AGMO: variants seen among roughly 807,000 people sequenced by gnomAD.
The protein encoded by AGMO is glyceryl-ether monooxygenase.
AGMO carries 75 observed loss-of-function variants against 60.2 expected under a neutral mutation model. The observed-to-expected ratio is 1.25, with a 90% confidence interval of 1.03 to 1.51. The LOEUF is 1.51. Ranked by LOEUF, AGMO falls within the 40% of genes most tolerant of loss-of-function variation. AGMO has a pLI of 0.00. For missense variants in AGMO, 763 were observed against 525.5 expected (o/e 1.45, Z -4.42); for synonymous variants, 261 against 177.1 (o/e 1.47, Z -3.76).
At chr7:15,208,242 G>C (rs1047381033) in intron 12 of AGMO, among the ~76,000 whole-genome samples, 3 of 152,136 alleles carry the variant, frequency 2.0e-5, no homozygotes, top group African/African-American at 7.2e-5. Flanking sequence ...AGGATACATA[G>C]AGAGAGGGTT....
At chr7:15,333,582 T>C (rs1035390298) in intron 12 of AGMO, among the ~76,000 whole-genome samples, 6 of 137,058 alleles carry the variant, frequency 4.4e-5, no homozygotes, top group Non-Finnish European at 7.7e-5. Flanking sequence ...ATACTCTCTA[T>C]AGAGACGAAC....
chr7:15,261,815 G>T (rs189971621), intron 12 of AGMO, among the ~76,000 whole-genome samples: 51 of 152,074 alleles, frequency 3.4e-4, no homozygotes, highest in African/African-American at 1.2e-3. Flanking sequence ...GATCAAGTGG[G>T]TTTCATACCA....
intron 3 of AGMO, among the ~76,000 whole-genome samples, chr7:15,440,504 G>A (rs1268702137): frequency 6.6e-6 from 1 of 152,168 alleles, no homozygotes; most frequent in African/African-American, 2.4e-5. Context: ...GCAACTCTGT[G>A]TGTATTTATG....
In AGMO at chr7:15,289,943, CTTTTTTTTT is replaced by C. The variant is rs36074413; in HGVS notation, c.1263+75562_1263+75570del. ...CAAGAGTATCATTTATTCCAGAAAT[CTTTTTTTTT>C]TTTTTTTTTTTTTTTTTTAGATGGA... On this transcript the variant is annotated intron_variant, in intron 12 of 12. Transcript: ENST00000342526. 1.6e-4 allele frequency among the ~76,000 whole-genome samples: 5 copies of C among 31,352 alleles called. No individual in the cohort carries two copies. In the East Asian group the frequency reaches 4.2e-3, roughly 26 times the overall value. 20.6% of individuals were successfully genotyped at this position (31,352 alleles called of 152,430 possible).
chr7:15,393,159 G>T (rs1207172228), intron 6 of AGMO, among the ~76,000 whole-genome samples: 1 of 152,228 alleles, frequency 6.6e-6, no homozygotes, highest in Non-Finnish European at 1.5e-5. Context: ...GAGTTTGGAA[G>T]AGGAAACCGC....
rs1562478599 is a variant in AGMO, at chr7:15,387,398, C to CT, written c.957+7dup. 1 of 1,612,936 alleles carries CT rather than the reference C, an allele frequency of 6.2e-7. No homozygotes were observed. Among genetic ancestry groups the CT allele is most frequent in the South Asian group, 1.1e-5 (1 of 90,994 alleles). ...TTCACCATCTCCAATTCTGTGAACT[C>CT]TATTTACCTCTGGAATTTCTTCACT... On this transcript the variant is annotated splice_region_variant and intron_variant, in intron 9 of 12. Coordinates refer to ENST00000342526, the MANE Select transcript of AGMO (RefSeq NM_001004320.2).
chr7:15,351,463 G>A, intron 12 of AGMO, among the ~76,000 whole-genome samples: 1 of 152,142 alleles, frequency 6.6e-6, no homozygotes, highest in East Asian at 1.9e-4. Flanking sequence ...TTAAAGGCAT[G>A]AGTGATTAGT....
intron 12 of AGMO, among the ~76,000 whole-genome samples, chr7:15,354,324 A>ACACACG (rs1491496373): frequency 0.043 from 3,271 of 75,486 alleles, 504 homozygotes; most frequent in Admixed American, 0.072. Context: ...GCGTGTATAT[A>ACACACG]CGTACGCGTG....
chr7:15,504,780 A>T (rs1194053715), intron 3 of AGMO, among the ~76,000 whole-genome samples: 8 of 121,384 alleles, frequency 6.6e-5, no homozygotes, highest in African/African-American at 1.8e-4. Flanking sequence ...TAGTTAAAAT[A>T]AAAAAAAAAA....
At chr7:15,555,292 TACACACACACACACACACACAC>T (rs58173194) in intron 2 of AGMO, among the ~76,000 whole-genome samples, 1 of 95,878 alleles carries the variant, frequency 1.0e-5, no homozygotes, top group Admixed American at 1.1e-4. Context: ...TATATATATA[TACACACACACACACACACACAC>T]ACACACACAC....
intron 12 of AGMO, among the ~76,000 whole-genome samples, chr7:15,268,873 G>A (rs1783512826): frequency 1.3e-5 from 2 of 151,998 alleles, no homozygotes; most frequent in African/African-American, 2.4e-5. Flanking sequence ...GTCAACAGAT[G>A]AATGTGGGAA....
intron 12 of AGMO, among the ~76,000 whole-genome samples, chr7:15,292,484 CAAT>C (rs1259273131): frequency 1.3e-5 from 2 of 152,074 alleles, no homozygotes; most frequent in Admixed American, 6.5e-5. Flanking sequence ...TCAGCATTAA[CAAT>C]GATGCAAAAT....
intron 6 of AGMO, among the ~76,000 whole-genome samples, chr7:15,391,559 G>A (rs945065288): frequency 1.3e-5 from 2 of 152,026 alleles, no homozygotes; most frequent in Non-Finnish European, 1.5e-5. Context: ...TTAAGAAAAA[G>A]AATAATTAAT....
At chr7:15,232,722 A>C (rs1369270566) in intron 12 of AGMO, among the ~76,000 whole-genome samples, 3 of 151,964 alleles carry the variant, frequency 2.0e-5, no homozygotes, top group Non-Finnish European at 4.4e-5. Flanking sequence ...CCTCAATTAC[A>C]ATTCAACACT....
downstream of AGMO, among the ~76,000 whole-genome samples, chr7:15,198,238 A>AGAGAGG (rs1781179060): frequency 1.5e-4 from 17 of 111,548 alleles, no homozygotes; most frequent in Non-Finnish European, 1.7e-4. Flanking sequence ...AGAGAGAGAG[A>AGAGAGG]GAGAGAGAGA....
chr7:15,126,663 T>C, the AGMO span, among the ~76,000 whole-genome samples: 1 of 152,094 alleles, frequency 6.6e-6, no homozygotes, highest in African/African-American at 2.4e-5. Context: ...CTTTTCAATC[T>C]GACTCTGGCA....
the AGMO span, among the ~76,000 whole-genome samples, chr7:15,175,500 T>C: frequency 2.6e-5 from 4 of 151,938 alleles, no homozygotes; most frequent in African/African-American, 9.7e-5. Context: ...ATGTTTTCCA[T>C]GTAATCCCTA....
chr7:15,561,990 C>G lies in AGMO; in HGVS notation c.-145G>C. ...AAACCAAAGCTCCACTGAGAGCACACTCAACAGCCGATTCTGTGTAGAGAG... is the reference window on the plus strand; with the variant it reads ...AAACCAAAGCTCCACTGAGAGCACAGTCAACAGCCGATTCTGTGTAGAGAG... On this transcript the variant is annotated 5_prime_UTR_variant, in exon 1 of 13. Coordinates refer to ENST00000342526, the MANE Select transcript of AGMO (RefSeq NM_001004320.2). 3 of 707,514 alleles carry G rather than the reference C, an allele frequency of 4.2e-6. No individual in the cohort carries two copies. Among genetic ancestry groups the G allele is most frequent in the Middle Eastern group, 3.3e-4 (1 of 3,064 alleles). 43.8% of individuals were successfully genotyped at this position (707,514 alleles called of 1,614,324 possible).
chr7:15,221,284 GC>G (rs1462125784), intron 12 of AGMO, among the ~76,000 whole-genome samples: 1 of 152,120 alleles, frequency 6.6e-6, no homozygotes, highest in Non-Finnish European at 1.5e-5. Context: ...AGTTCCTTGA[GC>G]CAGGGCTGAG....
Sources: allele counts gnomAD v4.1 joint callset (sites outside exome capture counted in the v4.1 genomes callset), GRCh38; gene constraint gnomAD v4.1.1; transcripts MANE v1.5; gene names NCBI Gene and HGNC (gene_info 2026-07-23, HGNC 2026-07-21).